PNLDC1: variants seen among roughly 807,000 people sequenced by gnomAD.
PNLDC1 encodes poly(A)-specific ribonuclease PNLDC1.
PNLDC1 carries 70 observed loss-of-function variants against 82.0 expected under a neutral mutation model. That is an observed-to-expected ratio of 0.85 (90% confidence interval 0.70 to 1.04). The LOEUF is 1.04. Among genes scored for constraint, PNLDC1 ranks in the 50% least tolerant of loss-of-function variants. The pLI, the probability that PNLDC1 is intolerant of heterozygous loss-of-function variation, is 0.00. For synonymous variants in PNLDC1, 280 were observed against 249.3 expected (o/e 1.12, Z -1.16); for missense variants, 631 against 661.1 (o/e 0.95, Z 0.50).
intron 10 of PNLDC1, 28 bp from the exon 11 acceptor site, chr6:159,811,673 T>G (rs1197659400): frequency 1.3e-6 from 2 of 1,585,794 alleles, no homozygotes. Flanking sequence ...ACAAATTCAC[T>G]CTTGACTACC....
At chr6:159,815,784 T>C (rs1781793042) in intron 12 of PNLDC1, among the ~76,000 whole-genome samples, 185 bp from the exon 13 acceptor site, 1 of 152,098 alleles carries the variant, frequency 6.6e-6, no homozygotes, top group South Asian at 2.1e-4. Flanking sequence ...TCCTGCACCA[T>C]TGTTCTTTCC....
chr6:159,803,974 C>G lies in PNLDC1; in HGVS notation c.258C>G (p.Ala86=). 1 of 1,613,528 alleles carries G rather than the reference C, an allele frequency of 6.2e-7. No homozygotes were observed. Among genetic ancestry groups the G allele is most frequent in the African/African-American group, 1.3e-5 (1 of 75,002 alleles). Residue 86 remains alanine, a synonymous_variant, in exon 5 of 19, where the codon GCC becomes GCG. Transcript: ENST00000392167. ...GTTTGTTTTATTATAGGTATATAGC[C>G]CATTCTTGTAACTTCTATCTCTTCC... ...AIEGEANKYI[A]HSCNFYLFPT...
intron 11 of PNLDC1, 94 bp downstream of exon 11, chr6:159,811,880 G>GTT: frequency 2.2e-6 from 2 of 919,314 alleles, no homozygotes; most frequent in Non-Finnish European, 3.2e-6. Flanking sequence ...GTGTTTTTTT[G>GTT]TTTTTTTTGT....
chr6:159,815,199 C>T (rs773061245), intron 12 of PNLDC1, among the ~76,000 whole-genome samples: 1 of 152,244 alleles, frequency 6.6e-6, no homozygotes, highest in Non-Finnish European at 1.5e-5. Flanking sequence ...TCTGCATTCT[C>T]AGGATTATTG....
At chr6:159,807,186 C>T (rs976022819) in intron 7 of PNLDC1, among the ~76,000 whole-genome samples, 8 of 152,170 alleles carry the variant, frequency 5.3e-5, no homozygotes, top group African/African-American at 1.9e-4. Context: ...AGCCACCGCA[C>T]CCGGCCCCAT....
At position 159,805,786 on chromosome 6, in the gene PNLDC1, T is replaced by G; in HGVS notation, c.462-197T>G. The G allele has an allele frequency of 5.2e-6, 3 of 573,050 alleles. No individual in the cohort carries two copies. In the South Asian group the frequency reaches 5.9e-5, roughly 11 times the overall value. The allele number at this position is 573,050 out of a possible 1,614,324, so 35.5% of individuals were successfully genotyped here. A position where few individuals can be genotyped will look rare whatever the true frequency, so the allele number is the denominator to read the frequency against. On this transcript the variant is annotated intron_variant, in intron 6 of 18. Transcript: ENST00000392167. ...TATATGCCTGGATCCTATGGAAGGT[T>G]GTGGGCTATTCTTCCAATTGTTTGG...
At chr6:159,815,675 C>T (rs1781789476) in intron 12 of PNLDC1, among the ~76,000 whole-genome samples, 1 of 152,194 alleles carries the variant, frequency 6.6e-6, no homozygotes, top group Admixed American at 6.5e-5. Context: ...AGACAGGCCA[C>T]TAGACAGCTC....
chr6:159,815,030 T>C (rs1781768088), intron 12 of PNLDC1, among the ~76,000 whole-genome samples: 1 of 152,220 alleles, frequency 6.6e-6, no homozygotes, highest in Non-Finnish European at 1.5e-5. Flanking sequence ...AACATCTTAT[T>C]GAAAACCAGT....
chr6:159,802,868 C>A (rs12524764), intron 3 of PNLDC1, among the ~76,000 whole-genome samples: 1 of 151,862 alleles, frequency 6.6e-6, no homozygotes, highest in South Asian at 2.1e-4. Flanking sequence ...CAGGCATAAG[C>A]CACCGCACCT....
intron 11 of PNLDC1, among the ~76,000 whole-genome samples, chr6:159,812,887 T>C (rs1434800699): frequency 6.6e-6 from 1 of 152,082 alleles, no homozygotes; most frequent in East Asian, 1.9e-4. Flanking sequence ...CCTGGGCATG[T>C]TGGTGCACAC....
Position 159,800,802 on chromosome 6 carries a change from C to T in PNLDC1, c.107C>T (p.Ser36Phe), listed in dbSNP as rs1466026615. ...GLDIEFTGLR[S>F]NLSGPQQISL... The stretch of plus-strand genomic sequence containing the variant: ...GACATAGAGTTCACGGGCCTTCGTT[C>T]TAACCTGTCTGGGCCCCAGCAGATC... Residue 36 changes from serine (S) to phenylalanine (F), a missense_variant, in exon 2 of 19, where the codon TCT becomes TTT. By Grantham distance (155) the Ser-to-Phe change is radical. Transcript: ENST00000392167. The T allele has an allele frequency of 1.1e-5, 18 of 1,614,076 alleles. No individual in the cohort carries two copies. The highest frequency in any genetic ancestry group is 1.4e-5 in the Non-Finnish European group (17 of 1,180,048).
intron 10 of PNLDC1, among the ~76,000 whole-genome samples, chr6:159,810,719 A>G (rs1269388535): frequency 6.6e-6 from 1 of 152,218 alleles, no homozygotes; most frequent in Non-Finnish European, 1.5e-5. Flanking sequence ...GATTGGGATA[A>G]TAGTGCCAAT....
rs1583183062 is a variant in PNLDC1, at chr6:159,816,707, A to T, written c.1114+111A>T. The stretch of plus-strand genomic sequence containing the variant: ...AGTACAGTGGTGAGGATCTCGGCTC[A>T]CTGCAGCCTCTACCTCCTGGGCTCA... On this transcript the variant is annotated intron_variant, in intron 14 of 18. Transcript: ENST00000392167. The T allele has an allele frequency of 8.4e-6, 8 of 952,804 alleles. No homozygotes were observed. In the South Asian group the frequency reaches 9.5e-5, roughly 11 times the overall value. The allele number at this position is 952,804 out of a possible 1,614,324, so 59.0% of individuals were successfully genotyped here. A position where few individuals can be genotyped will look rare whatever the true frequency, so the allele number is the denominator to read the frequency against.
intron 10 of PNLDC1, among the ~76,000 whole-genome samples, chr6:159,810,307 A>C (rs754597756): frequency 2.6e-4 from 39 of 152,122 alleles, no homozygotes; most frequent in Non-Finnish European, 3.8e-4. Context: ...AGGGGGAAAA[A>C]ATTTAAATTT....
intron 6 of PNLDC1, among the ~76,000 whole-genome samples, chr6:159,804,935 C>A (rs947791695): frequency 6.6e-6 from 1 of 152,222 alleles, no homozygotes. Flanking sequence ...ACAAGAATTC[C>A]ATTCCAGTGC....
rs541218827 is a variant in PNLDC1 at position 159,803,472 on chromosome 6, G to T, written c.248+162G>T. On this transcript the variant is annotated intron_variant, in intron 4 of 18. Coordinates refer to ENST00000392167, the MANE Select transcript of PNLDC1 (RefSeq NM_001271862.2). ...CTCACTCTGCCCTCTGCGGATTCCA[G>T]CTTGTCTTTGATGTCTCTCTGGAAG... The T allele has an allele frequency of 1.1e-5, 7 of 640,486 alleles. No individual in the cohort carries two copies. The East Asian group carries it at 1.1e-4, about 10-fold the overall frequency. The allele number at this position is 640,486 out of a possible 1,614,324, so 39.7% of individuals were successfully genotyped here. A position where few individuals can be genotyped will look rare whatever the true frequency, so the allele number is the denominator to read the frequency against.
chr6:159,799,995 G>A (rs1781173643), upstream of PNLDC1, among the ~76,000 whole-genome samples: 1 of 152,102 alleles, frequency 6.6e-6, no homozygotes, highest in Non-Finnish European at 1.5e-5. Flanking sequence ...CTCCTGCCAC[G>A]CCTCTTAACA....
chr6:159,815,998 C>CA lies in PNLDC1; in HGVS notation c.1026dup (p.Glu343ArgfsTer9). On this transcript the variant is annotated frameshift_variant, in exon 13 of 19. Transcript: ENST00000392167. LOFTEE classifies it high-confidence loss of function. ...TTGAATCCCACCAAGAATTCTGGAC[C>CA]AGAGATTGTTCACGCGAGCAGGTGT... The CA allele has an allele frequency of 3.1e-6, 5 of 1,613,468 alleles. No individual in the cohort carries two copies. Among genetic ancestry groups the CA allele is most frequent in the Non-Finnish European group, 4.2e-6 (5 of 1,179,818 alleles).
intron 9 of PNLDC1, among the ~76,000 whole-genome samples, chr6:159,809,727 G>A (rs1781580916): frequency 6.6e-6 from 1 of 152,152 alleles, no homozygotes; most frequent in South Asian, 2.1e-4. Context: ...AGGAATTTCA[G>A]TACTAACTGA....
Sources: gnomAD v4.1 joint callset for allele counts (sites outside exome capture counted in the v4.1 genomes callset) on GRCh38, gnomAD v4.1.1 for gene constraint, MANE v1.5 for transcripts, NCBI Gene and HGNC (gene_info 2026-07-23, HGNC 2026-07-21) for gene names.